SPAG16: variants seen among roughly 807,000 people sequenced by gnomAD.
The protein encoded by SPAG16 is sperm-associated antigen 16 protein.
A neutral mutation model predicts 80.4 loss-of-function variants in SPAG16; 86 were observed. The ratio of observed to expected loss-of-function variants is 1.07; its 90% CI spans 0.90 to 1.28. The LOEUF (loss-of-function observed/expected upper bound fraction) is 1.28, where lower values mean the gene tolerates loss of function less well. Among genes scored for constraint, SPAG16 ranks in the 50% most tolerant of loss-of-function variants. The pLI is 0.00. For synonymous variants in SPAG16, 294 were observed against 265.9 expected (o/e 1.11, Z -1.03); for missense variants, 870 against 765.3 (o/e 1.14, Z -1.61).
chr2:214,074,101 C>G (rs1028882758), intron 13 of SPAG16, among the ~76,000 whole-genome samples: 2 of 152,158 alleles, frequency 1.3e-5, no homozygotes, highest in South Asian at 2.1e-4. Context: ...CAAGGGAGTT[C>G]TCTCACTCTC....
intron 10 of SPAG16, among the ~76,000 whole-genome samples, chr2:213,605,585 G>A (rs1016998806): frequency 4.6e-5 from 7 of 152,088 alleles, no homozygotes; most frequent in Non-Finnish European, 8.8e-5. Context: ...CACCTCCTGG[G>A]TTCAAGCGAT....
At chr2:213,597,406 C>T (rs1278940050) in intron 10 of SPAG16, among the ~76,000 whole-genome samples, 1 of 151,738 alleles carries the variant, frequency 6.6e-6, no homozygotes, top group Non-Finnish European at 1.5e-5. Flanking sequence ...CTTAAGTCCT[C>T]GTTCTTGCCA....
chr2:213,629,285 T>C lies in SPAG16; in HGVS notation c.1070+139195T>C, dbSNP rs1020695023. Among the ~76,000 whole-genome samples the C allele has an allele frequency of 2.0e-5, 3 of 152,196 alleles. No individual in the cohort carries two copies. The East Asian group carries it at 5.8e-4, about 29-fold the overall frequency. On this transcript the variant is annotated intron_variant, in intron 10 of 15. Transcript: ENST00000331683. ...ACAGCCCCAGGAATCACTGTAGCCATTTCTTCTTAGCCATTGCAACCAAGG... is the reference window on the plus strand; with the variant it reads ...ACAGCCCCAGGAATCACTGTAGCCACTTCTTCTTAGCCATTGCAACCAAGG...
intron 9 of SPAG16, among the ~76,000 whole-genome samples, chr2:213,480,406 G>C (rs972465677): frequency 6.6e-6 from 1 of 152,190 alleles, no homozygotes; most frequent in Admixed American, 6.5e-5. Context: ...TGCCTTTGAG[G>C]AATGGAAGCA....
chr2:213,991,828 C>T (rs928502018), intron 12 of SPAG16, among the ~76,000 whole-genome samples: 1 of 151,928 alleles, frequency 6.6e-6, no homozygotes, highest in Non-Finnish European at 1.5e-5. Context: ...AGTGGTTCAC[C>T]ACTCTCAAGG....
chr2:213,303,250 GT>G (rs958989575), intron 3 of SPAG16, among the ~76,000 whole-genome samples: 166 of 147,944 alleles, frequency 1.1e-3, no homozygotes, highest in African/African-American at 3.3e-3. Context: ...GAATAGTCCA[GT>G]TTTTTTTTTA....
At chr2:213,307,323 T>G (rs533131401) in intron 3 of SPAG16, among the ~76,000 whole-genome samples, 197 of 147,930 alleles carry the variant, frequency 1.3e-3, no homozygotes, top group African/African-American at 4.6e-3. Context: ...TCATCTAGCA[T>G]TAGGTATATC....
chr2:214,364,011 G>A (rs772669276), intron 15 of SPAG16, among the ~76,000 whole-genome samples: 6 of 151,974 alleles, frequency 3.9e-5, no homozygotes, highest in African/African-American at 1.2e-4. Flanking sequence ...CAACCCAGAC[G>A]TATTCTTTCT....
chr2:214,312,018 A>G (rs949261307), intron 15 of SPAG16, among the ~76,000 whole-genome samples: 1 of 152,232 alleles, frequency 6.6e-6, no homozygotes, highest in African/African-American at 2.4e-5. Flanking sequence ...TATATTTGAA[A>G]ATGAAAAATT....
chr2:213,931,460 A>T (rs567307553), intron 12 of SPAG16, among the ~76,000 whole-genome samples: 44 of 152,308 alleles, frequency 2.9e-4, no homozygotes, highest in Non-Finnish European at 5.4e-4. Context: ...GGATTTCATA[A>T]ATATTTTTAT....
At chr2:214,127,507 G>A (rs1039752248) in intron 14 of SPAG16, among the ~76,000 whole-genome samples, 22 of 151,846 alleles carry the variant, frequency 1.4e-4, no homozygotes, top group South Asian at 4.1e-4. Context: ...TATCCAAGGA[G>A]GAGGAGAGTT....
chr2:213,618,253 T>C (rs917044699), intron 10 of SPAG16, among the ~76,000 whole-genome samples: 13 of 152,174 alleles, frequency 8.5e-5, no homozygotes, highest in Non-Finnish European at 1.5e-5. Flanking sequence ...GTATTTCCGC[T>C]CAAATGGCAT....
At chr2:213,574,306 A>T (rs757688534) in intron 10 of SPAG16, among the ~76,000 whole-genome samples, 1 of 152,142 alleles carries the variant, frequency 6.6e-6, no homozygotes, top group Non-Finnish European at 1.5e-5. Flanking sequence ...ATGTGAACTT[A>T]TTCATCTCCA....
chr2:214,225,537 A>T (rs2058680481), intron 15 of SPAG16, among the ~76,000 whole-genome samples: 1 of 152,208 alleles, frequency 6.6e-6, no homozygotes, highest in Admixed American at 6.5e-5. Flanking sequence ...TATCTACTTA[A>T]TATGAAAATT....
At chr2:214,268,761 G>A (rs558799820) in intron 15 of SPAG16, among the ~76,000 whole-genome samples, 5 of 151,686 alleles carry the variant, frequency 3.3e-5, no homozygotes, top group Non-Finnish European at 7.4e-5. Flanking sequence ...GTGTGTGTGT[G>A]GGTGTGTATG....
chr2:213,424,138 T>A (rs1466824895), intron 9 of SPAG16, among the ~76,000 whole-genome samples: 1 of 152,096 alleles, frequency 6.6e-6, no homozygotes, highest in Non-Finnish European at 1.5e-5. Context: ...AGTCAGGATG[T>A]TATAGTGAAC....
At chr2:214,226,503 C>G (rs2058700374) in intron 15 of SPAG16, among the ~76,000 whole-genome samples, 1 of 152,078 alleles carries the variant, frequency 6.6e-6, no homozygotes, top group Non-Finnish European at 1.5e-5. Flanking sequence ...AAAATCATTA[C>G]AACCATCATA....
At chr2:213,662,426 T>C (rs1017947033) in intron 10 of SPAG16, among the ~76,000 whole-genome samples, 2 of 152,172 alleles carry the variant, frequency 1.3e-5, no homozygotes, top group African/African-American at 4.8e-5. Flanking sequence ...GAGATGAAGC[T>C]AGAGTGGTTG....
intron 10 of SPAG16, among the ~76,000 whole-genome samples, chr2:213,732,963 A>G (rs1007589842): frequency 3.3e-5 from 5 of 152,332 alleles, no homozygotes; most frequent in African/African-American, 9.6e-5. Context: ...ACTGTCTTCC[A>G]GATTAATTGA....
Sources: allele counts gnomAD v4.1 joint callset (sites outside exome capture counted in the v4.1 genomes callset), GRCh38; gene constraint gnomAD v4.1.1; transcripts MANE v1.5; gene names NCBI Gene and HGNC (gene_info 2026-07-23, HGNC 2026-07-21).